RALYL: variants seen among roughly 807,000 people sequenced by gnomAD.
RALYL encodes the protein RNA-binding Raly-like protein.
Under a neutral mutation model 35.1 loss-of-function variants are expected in RALYL, and 29 were observed. The ratio of observed to expected loss-of-function variants is 0.83; its 90% CI spans 0.61 to 1.13. RALYL has a LOEUF of 1.13. Ranked by LOEUF, RALYL falls within the 50% of genes most tolerant of loss-of-function variation. The probability of loss-of-function intolerance (pLI) is 0.00; values close to 1 mark genes in which losing one functional copy is unlikely to be tolerated. For missense variants in RALYL, 359 were observed against 360.4 expected (o/e 1.00, Z 0.03); for synonymous variants, 120 against 127.6 (o/e 0.94, Z 0.40).
intron 1 of RALYL, among the ~76,000 whole-genome samples, chr8:84,335,786 G>A (rs1254023121): frequency 2.4e-5 from 3 of 126,202 alleles, no homozygotes; most frequent in Admixed American, 9.9e-5. Flanking sequence ...AAACATTTCC[G>A]TTGGGAATGT....
At position 84,617,592 on chromosome 8, in the gene RALYL, C is replaced by G. The variant is rs1340821119; in HGVS notation, c.256+88015C>G. ...AATTGAATACCCTTTATTTCCTTCT[C>G]CTGCCTAATTGCCCTGGCCAGAACT... On this transcript the variant is annotated intron_variant, in intron 2 of 8. Coordinates refer to ENST00000521268, the MANE Select transcript of RALYL (RefSeq NM_173848.7). Among the ~76,000 whole-genome samples the G allele has an allele frequency of 6.3e-4, 94 of 149,192 alleles. 1 individual carries two copies. The highest frequency in any genetic ancestry group is 2.3e-3 in the African/African-American group (91 of 39,692).
intron 4 of RALYL, among the ~76,000 whole-genome samples, chr8:84,815,190 A>G (rs1299369473): frequency 6.6e-6 from 1 of 152,208 alleles, no homozygotes; most frequent in African/African-American, 2.4e-5. Context: ...ACCAGGATAG[A>G]TGCAAAGAGC....
At chr8:84,549,922 C>T (rs2060606357) in intron 2 of RALYL, among the ~76,000 whole-genome samples, 1 of 152,008 alleles carries the variant, frequency 6.6e-6, no homozygotes, top group South Asian at 2.1e-4. Flanking sequence ...TTTATTTCAC[C>T]ATTGTAATTG....
At chr8:84,817,444 A>G (rs1321035027) in intron 4 of RALYL, among the ~76,000 whole-genome samples, 2 of 151,842 alleles carry the variant, frequency 1.3e-5, no homozygotes, top group Non-Finnish European at 2.9e-5. Flanking sequence ...TCTGAATCCT[A>G]TTCTGTCACT....
At chr8:84,861,813 T>G (rs1046142768) in intron 5 of RALYL, among the ~76,000 whole-genome samples, 3 of 152,262 alleles carry the variant, frequency 2.0e-5, no homozygotes, top group Non-Finnish European at 2.9e-5. Flanking sequence ...CTTTTTATCT[T>G]GCTGGGCTGT....
intron 1 of RALYL, among the ~76,000 whole-genome samples, chr8:84,390,362 G>C (rs1038211449): frequency 4.6e-5 from 7 of 152,124 alleles, no homozygotes; most frequent in Admixed American, 2.6e-4. Context: ...CTCATAAAAT[G>C]AGTTAGGGAG....
At position 84,868,267 on chromosome 8, in the gene RALYL, C is replaced by T. The variant is rs1037909544; in HGVS notation, c.572-5017C>T. ...TGTCACCCAGGCTGGAATGCAGTGG[C>T]ATGTAACCTCAAACTCCTGCACTCA... On this transcript the variant is annotated intron_variant, in intron 6 of 8. Coordinates refer to ENST00000521268, the MANE Select transcript of RALYL (RefSeq NM_173848.7). Among the ~76,000 whole-genome samples, 4 of 152,124 alleles carry T rather than the reference C, an allele frequency of 2.6e-5. No individual in the cohort carries two copies. In the East Asian group the frequency reaches 7.7e-4, roughly 29 times the overall value.
chr8:84,814,807 G>C (rs1477631912), intron 4 of RALYL, among the ~76,000 whole-genome samples: 2 of 152,022 alleles, frequency 1.3e-5, no homozygotes, highest in Non-Finnish European at 2.9e-5. Context: ...CATTGAGGGG[G>C]GAAAAAAGAC....
intron 1 of RALYL, among the ~76,000 whole-genome samples, chr8:84,375,725 C>A (rs771873817): frequency 6.6e-6 from 1 of 151,710 alleles, no homozygotes; most frequent in Non-Finnish European, 1.5e-5. Context: ...AATAAGCATT[C>A]AACTTATTTG....
intron 1 of RALYL, among the ~76,000 whole-genome samples, chr8:84,308,028 A>C (rs1406738973): frequency 6.6e-6 from 1 of 151,982 alleles, no homozygotes; most frequent in South Asian, 2.1e-4. Flanking sequence ...TAGGTCAGAA[A>C]AAAAAAAAAA....
intron 1 of RALYL, among the ~76,000 whole-genome samples, chr8:84,423,007 G>GA (rs1255778849): frequency 2.7e-5 from 4 of 148,618 alleles, no homozygotes; most frequent in Non-Finnish European, 6.0e-5. Flanking sequence ...GTGTGGTGCT[G>GA]AAAAAAATGT....
intron 2 of RALYL, among the ~76,000 whole-genome samples, chr8:84,752,105 G>A (rs2200731): frequency 0.013 from 1,974 of 152,268 alleles, 46 homozygotes; most frequent in African/African-American, 0.044. Flanking sequence ...TGATATGGAC[G>A]ATGAAGTCCA....
chr8:84,655,111 C>G (rs1426215314), intron 2 of RALYL, among the ~76,000 whole-genome samples: 2 of 152,038 alleles, frequency 1.3e-5, no homozygotes, highest in African/African-American at 2.4e-5. Flanking sequence ...TCATTATTGC[C>G]TAGCTTTTGG....
chr8:84,377,438 T>A (rs1857115869), intron 1 of RALYL, among the ~76,000 whole-genome samples: 2 of 142,872 alleles, frequency 1.4e-5, no homozygotes, highest in East Asian at 2.2e-4. Flanking sequence ...GGAGATATCA[T>A]CAAAGGTTAA....
At chr8:84,401,770 G>A (rs775376493) in intron 1 of RALYL, among the ~76,000 whole-genome samples, 24 of 147,916 alleles carry the variant, frequency 1.6e-4, no homozygotes, top group Non-Finnish European at 3.1e-4. Flanking sequence ...CACTGTTTTT[G>A]AGACATATTG....
intron 8 of RALYL, among the ~76,000 whole-genome samples, chr8:84,906,181 G>C (rs914605026): frequency 2.0e-5 from 3 of 152,008 alleles, no homozygotes; most frequent in African/African-American, 7.2e-5. Context: ...TATTTTATCT[G>C]CCAAATAGCT....
chr8:84,875,088 C>A (rs1249650220), intron 7 of RALYL, among the ~76,000 whole-genome samples: 1 of 151,998 alleles, frequency 6.6e-6, no homozygotes. Flanking sequence ...CTTGCCTATA[C>A]TTTTTAATAA....
intron 1 of RALYL, among the ~76,000 whole-genome samples, chr8:84,430,537 T>A (rs577210315): frequency 6.6e-6 from 1 of 152,242 alleles, no homozygotes; most frequent in Non-Finnish European, 1.5e-5. Flanking sequence ...CCTAGCTTTA[T>A]AGAGACAATA....
chr8:84,865,484 T>C (rs1481769493), intron 6 of RALYL, among the ~76,000 whole-genome samples: 1 of 152,178 alleles, frequency 6.6e-6, no homozygotes, highest in Non-Finnish European at 1.5e-5. Flanking sequence ...TTACCAAAAA[T>C]GAATACTGAT....
Sources: allele counts gnomAD v4.1 joint callset (sites outside exome capture counted in the v4.1 genomes callset), GRCh38; gene constraint gnomAD v4.1.1; transcripts MANE v1.5; gene names NCBI Gene and HGNC (gene_info 2026-07-23, HGNC 2026-07-21).